Variants in DDX4 observed in about 807,000 individuals in gnomAD.
DDX4 encodes the protein probable ATP-dependent RNA helicase DDX4.
DDX4 carries 25 observed loss-of-function variants against 100.0 expected under a neutral mutation model. The ratio of observed to expected loss-of-function variants is 0.25; its 90% CI spans 0.18 to 0.35. The LOEUF (loss-of-function observed/expected upper bound fraction) is 0.35. DDX4 is among the 10% of genes least tolerant of loss of function. DDX4 has a pLI of 1.00. For missense variants in DDX4, 635 were observed against 882.4 expected (o/e 0.72, Z 3.55); for synonymous variants, 259 against 275.7 (o/e 0.94, Z 0.60).
At chr5:55,767,036 T>C in intron 6 of DDX4, 1 of 1,476,486 alleles carries the variant, frequency 6.8e-7, no homozygotes, top group South Asian at 1.4e-5. Context: ...GAATGTTACT[T>C]ACTAATATCA....
chr5:55,749,984 C>CAA (rs56883424), intron 3 of DDX4, among the ~76,000 whole-genome samples: 4 of 123,252 alleles, frequency 3.2e-5, no homozygotes, highest in South Asian at 2.6e-4. Flanking sequence ...TTATTCAGAG[C>CAA]AAAAAAAAAA....
chr5:55,778,244 A>C (rs557574579), intron 7 of DDX4, among the ~76,000 whole-genome samples: 1 of 152,186 alleles, frequency 6.6e-6, no homozygotes, highest in African/African-American at 2.4e-5. Flanking sequence ...TTTAGAATTT[A>C]ATAACAGTAA....
At chr5:55,758,211 ATGT>A (rs1760063350) in intron 3 of DDX4, among the ~76,000 whole-genome samples, 1 of 152,122 alleles carries the variant, frequency 6.6e-6, no homozygotes, top group African/African-American at 2.4e-5. Context: ...TTTTTTATTA[ATGT>A]TGTGTGTTAC....
At position 55,787,969 on chromosome 5, in the gene DDX4, A is replaced by C; in HGVS notation, c.1141A>C (p.Ile381Leu). The C allele has an allele frequency of 6.2e-7, 1 of 1,613,286 alleles. No individual in the cohort carries two copies. Among genetic ancestry groups the C allele is most frequent in the Non-Finnish European group, 8.5e-7 (1 of 1,179,738 alleles). The change falls in exon 15 of 22, where the codon ATT (isoleucine) becomes CTT (leucine). Residue 381 changes from isoleucine to leucine, a missense_variant. Around this residue, in one of 4 missense-constraint regions of DDX4, gnomAD observed 446 missense variants for 540.8 expected, o/e 0.82. Coordinates refer to ENST00000505374, the MANE Select transcript of DDX4 (RefSeq NM_024415.3). ...VAPTRELVNQ[I>L]YLEARKFSFG... ...ACCAACTCGAGAATTGGTCAACCAG[A>C]TTTATTTGGAAGCCAGAAAATTTTC... is the stretch of plus-strand genomic sequence containing the variant.
At chr5:55,764,190 C>T (rs980409460) in intron 6 of DDX4, 126 bp downstream of exon 6, 31 of 694,470 alleles carry the variant, frequency 4.5e-5, no homozygotes, top group Non-Finnish European at 7.0e-5. Flanking sequence ...TATGAAGTAG[C>T]TATATCCAAA....
At chr5:55,790,229 C>T (rs912540531) in intron 15 of DDX4, among the ~76,000 whole-genome samples, 2 of 145,130 alleles carry the variant, frequency 1.4e-5, no homozygotes, top group Non-Finnish European at 3.0e-5. Flanking sequence ...ACTGCAACCT[C>T]TGCCTCCTGG....
At chr5:55,740,782 A>G (rs911213355) in intron 2 of DDX4, among the ~76,000 whole-genome samples, 7 of 151,788 alleles carry the variant, frequency 4.6e-5, no homozygotes, top group Admixed American at 4.6e-4. Flanking sequence ...GGCCTCCCAA[A>G]GTGCTGGGAT....
At chr5:55,746,892 T>TC (rs1759274632) in intron 3 of DDX4, among the ~76,000 whole-genome samples, 2 of 152,300 alleles carry the variant, frequency 1.3e-5, no homozygotes, top group South Asian at 4.2e-4. Flanking sequence ...CAGTAGTTTT[T>TC]CACATTGTTG....
intron 18 of DDX4, among the ~76,000 whole-genome samples, chr5:55,811,297 G>C (rs1744112938): frequency 6.6e-6 from 1 of 151,968 alleles, no homozygotes; most frequent in Non-Finnish European, 1.5e-5. Flanking sequence ...ATCTTTCATT[G>C]TGCTTTTTCA....
At chr5:55,795,838 T>C (rs1039907859) in intron 17 of DDX4, among the ~76,000 whole-genome samples, 1 of 152,182 alleles carries the variant, frequency 6.6e-6, no homozygotes, top group African/African-American at 2.4e-5. Context: ...TATATGTAGA[T>C]ATAAAAGGAA....
At chr5:55,795,708 G>A (rs1029870178) in intron 17 of DDX4, among the ~76,000 whole-genome samples, 3 of 152,152 alleles carry the variant, frequency 2.0e-5, no homozygotes, top group Non-Finnish European at 2.9e-5. Flanking sequence ...AGGAAGTTGA[G>A]GCTGCAGTGA....
rs541341402 is a variant in DDX4 at position 55,816,698 on chromosome 5, T to C, written c.*158T>C. ...AAAAAAAATCCTTACTGACTAGTTATGTGAGATGCTAAAACTTACAACATT... is the reference window on the plus strand; with the variant it reads ...AAAAAAAATCCTTACTGACTAGTTACGTGAGATGCTAAAACTTACAACATT... On this transcript the variant is annotated 3_prime_UTR_variant, in exon 22 of 22. Coordinates refer to ENST00000505374, the MANE Select transcript of DDX4 (RefSeq NM_024415.3). The C allele has an allele frequency of 6.3e-6, 8 of 1,270,456 alleles. No homozygotes were observed. In the South Asian group the frequency reaches 7.5e-5, roughly 12 times the overall value. The allele number at this position is 1,270,456 out of a possible 1,614,324, so 78.7% of individuals were successfully genotyped here. A position where few individuals can be genotyped will look rare whatever the true frequency, so the allele number is the denominator to read the frequency against.
Position 55,816,638 on chromosome 5 carries a change from A to G in DDX4, c.*98A>G, listed in dbSNP as rs1229634277. ...GAAGTATAAAACTTAACATTCTCAT[A>G]GCTCCTGTCCTTGTATTCTCACTCC... On this transcript the variant is annotated 3_prime_UTR_variant, in exon 22 of 22. Transcript: ENST00000505374. 4 of 1,527,782 alleles carry G rather than the reference A, an allele frequency of 2.6e-6. No homozygotes were observed. In the South Asian group the frequency reaches 3.8e-5, roughly 14 times the overall value. 94.6% of individuals were successfully genotyped at this position (1,527,782 alleles called of 1,614,324 possible).
intron 7 of DDX4, among the ~76,000 whole-genome samples, chr5:55,775,875 C>T (rs1267683573): frequency 6.6e-6 from 1 of 152,166 alleles, no homozygotes. Flanking sequence ...AATCCCAGCA[C>T]TTTGGGAGGC....
intron 7 of DDX4, among the ~76,000 whole-genome samples, chr5:55,776,942 A>ACTAGCAAATGAAAAGACTGAAATTCTTGC (rs1741602848): frequency 6.6e-6 from 1 of 152,224 alleles, no homozygotes; most frequent in Admixed American, 6.5e-5. Context: ...GAATTAAAAT[A>ACTAGCAAATGAAAAGACTGAAATTCTTGC]CTAGCAAATG....
chr5:55,781,811 G>A, intron 9 of DDX4, 123 bp from the exon 10 acceptor site: 1 of 912,392 alleles, frequency 1.1e-6, no homozygotes, highest in Non-Finnish European at 1.6e-6. Context: ...ATTAAGAGAT[G>A]GATGGGTTAA....
chr5:55,785,235 A>G, intron 10 of DDX4, 62 bp from the exon 11 acceptor site: 1 of 1,172,968 alleles, frequency 8.5e-7, no homozygotes, highest in Non-Finnish European at 1.2e-6. Context: ...ACAAGCAACG[A>G]AAATAAAGAT....
At chr5:55,765,414 A>AT (rs1740851566) in intron 6 of DDX4, among the ~76,000 whole-genome samples, 1 of 64,776 alleles carries the variant, frequency 1.5e-5, no homozygotes, top group Admixed American at 2.2e-4. Context: ...AAAAAAAAAA[A>AT]TATATATATA....
At chr5:55,793,062 G>GTGT (rs144025196) in intron 17 of DDX4, among the ~76,000 whole-genome samples, 2 of 150,476 alleles carry the variant, frequency 1.3e-5, no homozygotes, top group East Asian at 2.0e-4. Flanking sequence ...GTGTTTGTGT[G>GTGT]TGTTGTTGTT....
Sources: gnomAD v4.1 joint callset for allele counts (sites outside exome capture counted in the v4.1 genomes callset) on GRCh38, gnomAD v4.1.1 for gene constraint, gnomAD v4.1.1 regional missense constraint, MANE v1.5 for transcripts, NCBI Gene and HGNC (gene_info 2026-07-23, HGNC 2026-07-21) for gene names.